The following RNF34 variants were observed in gnomAD, a reference collection of about 807,000 sequenced individuals.
The protein encoded by RNF34 is E3 ubiquitin-protein ligase RNF34.
RNF34 carries 12 observed loss-of-function variants against 37.9 expected under a neutral mutation model. That is an observed-to-expected ratio of 0.32 (90% CI 0.20 to 0.51). The LOEUF is 0.51. RNF34 is among the 20% of genes least tolerant of loss of function. RNF34 has a pLI of 0.97. For synonymous variants in RNF34, 155 were observed against 177.2 expected (o/e 0.87, Z 1.00); for missense variants, 362 against 472.7 (o/e 0.77, Z 2.17).
intron 5 of RNF34, among the ~76,000 whole-genome samples, chr12:121,421,054 A>G (rs1356336858): frequency 6.6e-6 from 1 of 152,100 alleles, no homozygotes; most frequent in East Asian, 1.9e-4. Context: ...TTACAACCCT[A>G]ATTAAATTCC....
intron 5 of RNF34, among the ~76,000 whole-genome samples, chr12:121,422,486 G>A (rs1872253598): frequency 6.6e-6 from 1 of 152,210 alleles, no homozygotes; most frequent in African/African-American, 2.4e-5. Flanking sequence ...TCATCCCATA[G>A]ATCCTTTCTC....
At chr12:121,401,190 T>G (rs527332802) in intron 1 of RNF34, among the ~76,000 whole-genome samples, 11 of 152,128 alleles carry the variant, frequency 7.2e-5, no homozygotes, top group Non-Finnish European at 1.5e-4. Flanking sequence ...TCACAGAAAT[T>G]CAGCACATGT....
intron 1 of RNF34, chr12:121,404,781 GGTTGAAAATTT>G (rs1247084314): frequency 3.9e-5 from 6 of 152,108 alleles, no homozygotes; most frequent in African/African-American, 1.4e-4. Flanking sequence ...AAAAGTTTAG[GGTTGAAAATTT>G]GTGGTAAATT....
chr12:121,420,396 C>T, intron 4 of RNF34, 62 bp downstream of exon 4: 19 of 1,553,634 alleles, frequency 1.2e-5, no homozygotes, highest in Non-Finnish European at 1.7e-5. Flanking sequence ...GGGACAGTGC[C>T]CTGTGGACAT....
rs184217302 is a variant in RNF34 at position 121,413,864 on chromosome 12, C to T, written c.7-2295C>T. ...TGCTGGCATTACAGGTGTGAGCCACCGCGCCCGGCTTCACCTGACTTTTAA... is the reference window on the plus strand; with the variant it reads ...TGCTGGCATTACAGGTGTGAGCCACTGCGCCCGGCTTCACCTGACTTTTAA... On this transcript the variant is annotated intron_variant, in intron 1 of 5. Transcript: ENST00000361234. Among the ~76,000 whole-genome samples the T allele has an allele frequency of 3.9e-4, 59 of 152,184 alleles. 1 individual carries two copies. Among genetic ancestry groups the T allele is most frequent in the Admixed American group, 1.0e-3 (16 of 15,280 alleles).
rs183521191 is a variant in RNF34 at position 121,423,826 on chromosome 12, T to G, written c.*250T>G. ...TATCACACATCCCGTGAACACTCAT[T>G]GAAGTCAGCCTGTTTGCGCCATGTG... On this transcript the variant is annotated 3_prime_UTR_variant, in exon 6 of 6. Transcript: ENST00000361234. The surrounding 1 kb of genome is among the most constrained non-coding windows in gnomAD (Gnocchi z 4.3). 360 of 437,690 alleles carry G rather than the reference T, an allele frequency of 8.2e-4. 2 individuals are homozygous for G. The highest frequency in any genetic ancestry group is 1.7e-3 in the Admixed American group (42 of 24,996). 27.1% of individuals were successfully genotyped at this position (437,690 alleles called of 1,614,324 possible). A position where few individuals can be genotyped will look rare whatever the true frequency, so the allele number is the denominator to read the frequency against.
At chr12:121,413,414 CCTT>C (rs1360178896) in intron 1 of RNF34, among the ~76,000 whole-genome samples, 2 of 96,698 alleles carry the variant, frequency 2.1e-5, no homozygotes, top group East Asian at 3.9e-4. Flanking sequence ...TTTTACCTGT[CCTT>C]TTTTTTTTTT....
At chr12:121,411,756 A>G (rs60582822) in intron 1 of RNF34, among the ~76,000 whole-genome samples, 29,057 of 152,176 alleles carry the variant, frequency 0.19, 4,286 homozygotes, top group African/African-American at 0.41. Flanking sequence ...GTTTTTGTCC[A>G]TGAGGAACTT....
chr12:121,418,037 AC>A, intron 3 of RNF34, 126 bp downstream of exon 3: 1 of 991,354 alleles, frequency 1.0e-6, no homozygotes, highest in Non-Finnish European at 1.5e-6. Context: ...AAGCTTCCAC[AC>A]CCAGCTGAAC....
chr12:121,412,745 G>C (rs1185266468), intron 1 of RNF34, among the ~76,000 whole-genome samples: 1 of 129,528 alleles, frequency 7.7e-6, no homozygotes, highest in Non-Finnish European at 1.6e-5. Context: ...TTTTTTTTGA[G>C]ATGGAGTCTC....
rs2137149044 is a variant in RNF34 at position 121,420,452 on chromosome 12, A to G, written c.726+118A>G. ...GTTTCTTCTGGTTTGAATGTAGGACAGTATACTGAAACACTTCTAGGACTG... is the reference window on the plus strand; with the variant it reads ...GTTTCTTCTGGTTTGAATGTAGGACGGTATACTGAAACACTTCTAGGACTG... On this transcript the variant is annotated intron_variant, in intron 4 of 5. Transcript: ENST00000361234. 1.9e-6 allele frequency: 3 copies of G among 1,554,818 alleles called. No individual in the cohort carries two copies. In the South Asian group the frequency reaches 3.5e-5, roughly 18 times the overall value.
At chr12:121,419,433 G>C (rs573149055) in intron 3 of RNF34, among the ~76,000 whole-genome samples, 16 of 152,304 alleles carry the variant, frequency 1.1e-4, no homozygotes, top group Non-Finnish European at 2.2e-4. Flanking sequence ...GTCCAAGCCA[G>C]GAGTTTTATT....
At chr12:121,403,386 ACT>A (rs1870186990) in intron 1 of RNF34, among the ~76,000 whole-genome samples, 1 of 145,828 alleles carries the variant, frequency 6.9e-6, no homozygotes, top group Non-Finnish European at 1.5e-5. Flanking sequence ...ACAGAGCAAG[ACT>A]CTGTCTCCAA....
chr12:121,420,836 G>T, intron 5 of RNF34, 58 bp downstream of exon 5: 1 of 1,363,162 alleles, frequency 7.3e-7, no homozygotes, highest in Admixed American at 1.8e-5. Flanking sequence ...TTTAAAAACT[G>T]GGTTGTTTTT....
intron 1 of RNF34, among the ~76,000 whole-genome samples, chr12:121,413,415 C>CTTT (rs573738844): frequency 1.2e-4 from 16 of 130,692 alleles, no homozygotes; most frequent in African/African-American, 4.5e-4. Context: ...TTTACCTGTC[C>CTTT]TTTTTTTTTT....
At chr12:121,412,618 A>T (rs1871186024) in intron 1 of RNF34, among the ~76,000 whole-genome samples, 1 of 151,654 alleles carries the variant, frequency 6.6e-6, no homozygotes. Flanking sequence ...ACTTCATGTG[A>T]TCCACCCGCC....
chr12:121,416,126 G>C (rs1555282152), intron 1 of RNF34, 33 bp from the exon 2 acceptor site: 1 of 1,582,450 alleles, frequency 6.3e-7, no homozygotes, highest in Admixed American at 1.7e-5. Context: ...ATTCCACTTA[G>C]CTTTAAACTG....
intron 1 of RNF34, among the ~76,000 whole-genome samples, chr12:121,413,843 G>A (rs1025739642): frequency 5.9e-5 from 9 of 152,084 alleles, no homozygotes; most frequent in Admixed American, 1.3e-4. Flanking sequence ...CCAAAGTGCT[G>A]GCATTACAGG....
intron 1 of RNF34, 103 bp from the exon 2 acceptor site, chr12:121,416,056 T>A (rs1308760765): frequency 1.1e-6 from 1 of 876,934 alleles, no homozygotes; most frequent in Non-Finnish European, 1.8e-6. Context: ...AATCTCAAAG[T>A]TATTGAGGGC....
Sources: gnomAD v4.1 joint callset for allele counts (sites outside exome capture counted in the v4.1 genomes callset) on GRCh38, gnomAD v4.1.1 for gene constraint, Gnocchi (gnomAD v3.1) non-coding constraint, MANE v1.5 for transcripts, NCBI Gene and HGNC (gene_info 2026-07-23, HGNC 2026-07-21) for gene names.